The following STK32B variants were observed in gnomAD, a reference collection of about 807,000 sequenced individuals.
STK32B encodes serine/threonine-protein kinase 32B.
A neutral mutation model predicts 52.6 loss-of-function variants in STK32B; 43 were observed. The observed-to-expected ratio is 0.82, with a 90% CI of 0.64 to 1.05. The LOEUF is 1.05. Ranked by LOEUF, STK32B falls within the 50% of genes least tolerant of loss-of-function variation. The pLI, the probability that STK32B is intolerant of heterozygous loss-of-function variation, is 0.00. For synonymous variants in STK32B, 238 were observed against 204.3 expected, an observed-to-expected ratio of 1.17 and a Z score of -1.41; for missense variants, 621 against 534.6, an observed-to-expected ratio of 1.16 and a Z score of -1.59.
chr4:5,306,595 G>A (rs933645461), intron 3 of STK32B, among the ~76,000 whole-genome samples: 5 of 152,186 alleles, frequency 3.3e-5, no homozygotes, highest in Non-Finnish European at 5.9e-5. Context: ...TATCTATTCT[G>A]CCATTCTGTA....
Position 5,316,497 on chromosome 4 carries a change from CATATATAATATATAAT to C in STK32B, c.261-14716_261-14701del, listed in dbSNP as rs1730774810. On this transcript the variant is annotated intron_variant, in intron 3 of 11. Coordinates refer to ENST00000282908, the MANE Select transcript of STK32B (RefSeq NM_018401.3). The stretch of plus-strand genomic sequence containing the variant: ...CATATATAATATATAATATATATTA[CATATATAATATATAAT>C]ATATATTACATATATAATATATAAT... 3.8e-3 allele frequency among the ~76,000 whole-genome samples: 2 copies of C among 524 alleles called. 1 individual carries two copies. The highest frequency in any genetic ancestry group is 0.1 in the Admixed American group (2 of 20). 0.3% of individuals were successfully genotyped at this position (524 alleles called of 152,430 possible).
intron 11 of STK32B, among the ~76,000 whole-genome samples, chr4:5,473,009 C>T (rs192278056): frequency 1.2e-4 from 19 of 152,218 alleles, no homozygotes; most frequent in Admixed American, 1.2e-3. Context: ...TATTGCCAAA[C>T]GTTCCCTGGC....
intron 10 of STK32B, 83 bp downstream of exon 10, chr4:5,466,917 AAG>A (rs1165611541): frequency 8.7e-6 from 13 of 1,494,936 alleles, no homozygotes; most frequent in Non-Finnish European, 9.0e-7. Context: ...GTTTAGCAAA[AAG>A]GGGACATTTC....
chr4:5,198,659 G>A (rs950132964), intron 3 of STK32B, among the ~76,000 whole-genome samples: 1 of 152,126 alleles, frequency 6.6e-6, no homozygotes, highest in Non-Finnish European at 1.5e-5. Flanking sequence ...TGATCCATGG[G>A]GTGGTGATGC....
rs76618418 is a variant in STK32B, at chr4:5,305,377, G to A, written c.261-25843G>A. The stretch of plus-strand genomic sequence containing the variant: ...CATTTCAATCTCACTATGTGTTATC[G>A]ATCTGTTTAGGGTTTCTATTTCTTC... On this transcript the variant is annotated intron_variant, in intron 3 of 11. Transcript: ENST00000282908. 9.5e-3 allele frequency among the ~76,000 whole-genome samples: 1,450 copies of A among 151,982 alleles called. 52 individuals are homozygous for A. The East Asian group carries it at 0.11, about 12-fold the overall frequency.
At chr4:5,390,566 T>C (rs1427174166) in intron 4 of STK32B, among the ~76,000 whole-genome samples, 1 of 152,174 alleles carries the variant, frequency 6.6e-6, no homozygotes, top group African/African-American at 2.4e-5. Context: ...TCCTGGTCCC[T>C]CTGTCTCTGT....
chr4:5,139,232 C>T (rs1716257620), intron 1 of STK32B, among the ~76,000 whole-genome samples: 1 of 152,146 alleles, frequency 6.6e-6, no homozygotes, highest in Non-Finnish European at 1.5e-5. Context: ...AGGTTTTGCA[C>T]ATATAGGACC....
At chr4:5,311,915 T>TATATATATATATATACATATATA (rs1228362253) in intron 3 of STK32B, among the ~76,000 whole-genome samples, 11 of 135,496 alleles carry the variant, frequency 8.1e-5, no homozygotes, top group Admixed American at 6.3e-4. Flanking sequence ...TATATATATA[T>TATATATATATATATACATATATA]TTTTTTTTAA....
At chr4:5,149,645 A>G (rs1274686269) in intron 2 of STK32B, among the ~76,000 whole-genome samples, 1 of 151,870 alleles carries the variant, frequency 6.6e-6, no homozygotes, top group Admixed American at 6.6e-5. Flanking sequence ...CTGTCCTTAT[A>G]GTGTAGGTGT....
intron 6 of STK32B, among the ~76,000 whole-genome samples, chr4:5,444,136 G>T (rs1336994187): frequency 1.3e-5 from 2 of 151,946 alleles, no homozygotes; most frequent in Non-Finnish European, 1.5e-5. Context: ...CGCCCAGTTG[G>T]AGCTTCCGGG....
rs551398880 is a variant in STK32B, at chr4:5,459,140, G to A, written c.784-963G>A. Among the ~76,000 whole-genome samples, 6 of 152,336 alleles carry A rather than the reference G, an allele frequency of 3.9e-5. No homozygotes were observed. In the East Asian group the frequency reaches 1.2e-3, roughly 29 times the overall value. On this transcript the variant is annotated intron_variant, in intron 8 of 11. Coordinates refer to ENST00000282908, the MANE Select transcript of STK32B (RefSeq NM_018401.3). ...CCCTAAAGAGTGGCAGCCATGATCA[G>A]CAGATGCAACCCCTGCTAGCTATCC...
At chr4:5,497,424 C>G (rs906589954) in intron 11 of STK32B, among the ~76,000 whole-genome samples, 3 of 152,226 alleles carry the variant, frequency 2.0e-5, no homozygotes, top group Admixed American at 2.0e-4. Flanking sequence ...AAGGCCTCAA[C>G]CCGAAGGGAG....
rs1478357330 is a variant in STK32B at position 5,168,182 on chromosome 4, G to C, written c.109-117G>C. ...ACTTAGCAGAGCTGCTCCCCTAGCAGATTTCAAGAACAGGGACGTGAATCC... is the reference window on the plus strand; with the variant it reads ...ACTTAGCAGAGCTGCTCCCCTAGCACATTTCAAGAACAGGGACGTGAATCC... On this transcript the variant is annotated intron_variant, in intron 2 of 11. Coordinates refer to ENST00000282908, the MANE Select transcript of STK32B (RefSeq NM_018401.3). 10 of 1,372,762 alleles carry C rather than the reference G, an allele frequency of 7.3e-6. 1 individual carries two copies. Among genetic ancestry groups the C allele is most frequent in the Non-Finnish European group, 9.8e-6 (10 of 1,019,876 alleles). The allele number at this position is 1,372,762 out of a possible 1,614,324, so 85.0% of individuals were successfully genotyped here. A position where few individuals can be genotyped will look rare whatever the true frequency, so the allele number is the denominator to read the frequency against.
intron 3 of STK32B, among the ~76,000 whole-genome samples, chr4:5,244,049 T>C (rs1024787939): frequency 5.3e-5 from 8 of 152,074 alleles, no homozygotes; most frequent in African/African-American, 1.7e-4. Flanking sequence ...TCTTTTTTGG[T>C]TGTGTCTCTG....
Position 5,342,179 on chromosome 4 carries a change from C to T in STK32B, c.434+10786C>T, listed in dbSNP as rs1285794196. ...TCTAGAACTAGAAACACCACTGGGTCGCCAGTGATCTCATTACCAGGTATT... is the reference window on the plus strand; with the variant it reads ...TCTAGAACTAGAAACACCACTGGGTTGCCAGTGATCTCATTACCAGGTATT... On this transcript the variant is annotated intron_variant, in intron 4 of 11. Transcript: ENST00000282908. 3.3e-5 allele frequency among the ~76,000 whole-genome samples: 5 copies of T among 151,996 alleles called. No individual in the cohort carries two copies. In the East Asian group the frequency reaches 5.8e-4, roughly 18 times the overall value.
the STK32B span, among the ~76,000 whole-genome samples, chr4:5,039,763 C>G: frequency 6.6e-6 from 1 of 152,182 alleles, no homozygotes; most frequent in African/African-American, 2.4e-5. Context: ...ATGCATTGTG[C>G]TACGAAGTCA....
intron 1 of STK32B, among the ~76,000 whole-genome samples, chr4:5,125,665 C>T (rs779440905): frequency 3.3e-5 from 5 of 152,188 alleles, no homozygotes; most frequent in African/African-American, 4.8e-5. Context: ...ATCTGGGACA[C>T]GTCTCCCTGG....
intron 1 of STK32B, among the ~76,000 whole-genome samples, chr4:5,099,476 C>A (rs889591355): frequency 1.1e-5 from 1 of 87,994 alleles, no homozygotes; most frequent in Non-Finnish European, 2.4e-5. Context: ...GATGTGTTCA[C>A]AACTAAGTGG....
intron 4 of STK32B, among the ~76,000 whole-genome samples, chr4:5,332,767 A>G (rs1040390906): frequency 2.4e-4 from 37 of 152,106 alleles, no homozygotes; most frequent in Admixed American, 1.9e-3. Flanking sequence ...TGTCCTTGCC[A>G]TAGTTTACTG....
Sources: gnomAD v4.1 joint callset for allele counts (sites outside exome capture counted in the v4.1 genomes callset) on GRCh38, gnomAD v4.1.1 for gene constraint, MANE v1.5 for transcripts, NCBI Gene and HGNC (gene_info 2026-07-23, HGNC 2026-07-21) for gene names.